PAQR8: variants seen among roughly 807,000 people sequenced by gnomAD.
PAQR8 encodes membrane progestin receptor beta.
A neutral mutation model predicts 25.2 loss-of-function variants in PAQR8; 17 were observed. The ratio of observed to expected loss-of-function variants is 0.67; its 90% CI spans 0.46 to 1.01. The LOEUF (loss-of-function observed/expected upper bound fraction) is 1.01. Among genes scored for constraint, PAQR8 ranks in the 50% least tolerant of loss-of-function variants. The probability of loss-of-function intolerance (pLI) is 0.00; values close to 1 mark genes in which losing one functional copy is unlikely to be tolerated. For synonymous variants in PAQR8, 204 were observed against 190.6 expected, an observed-to-expected ratio of 1.07 and a Z score of -0.58; for missense variants, 392 against 448.4, an observed-to-expected ratio of 0.87 and a Z score of 1.14.
At chr6:52,375,487 A>G (rs1162794613) in intron 1 of PAQR8, among the ~76,000 whole-genome samples, 1 of 152,120 alleles carries the variant, frequency 6.6e-6, no homozygotes, top group Non-Finnish European at 1.5e-5. Context: ...TCTGGAAAAC[A>G]GAAGAGAAAG....
At chr6:52,401,838 A>G (rs1763833711) in intron 1 of PAQR8, among the ~76,000 whole-genome samples, 1 of 152,210 alleles carries the variant, frequency 6.6e-6, no homozygotes, top group Admixed American at 6.5e-5. Context: ...GTCTATCATT[A>G]GCTATATCAA....
At chr6:52,369,127 G>A (rs1425194622) in intron 1 of PAQR8, among the ~76,000 whole-genome samples, 3 of 152,118 alleles carry the variant, frequency 2.0e-5, no homozygotes, top group Non-Finnish European at 2.9e-5. Context: ...TTTTGAATGA[G>A]CAAATAATAA....
At chr6:52,368,492 AAAG>A (rs1158322979) in intron 1 of PAQR8, among the ~76,000 whole-genome samples, 4 of 152,240 alleles carry the variant, frequency 2.6e-5, no homozygotes, top group South Asian at 4.1e-4. Context: ...ATTTAAAAAA[AAAG>A]AAGAAAAGGG....
intron 1 of PAQR8, among the ~76,000 whole-genome samples, chr6:52,398,718 T>C (rs1763797387): frequency 6.6e-6 from 1 of 152,076 alleles, no homozygotes; most frequent in African/African-American, 2.4e-5. Context: ...CATGCCCAGC[T>C]AATTTTTGTA....
At chr6:52,380,591 A>T (rs1562429574) in intron 1 of PAQR8, among the ~76,000 whole-genome samples, 3 of 152,340 alleles carry the variant, frequency 2.0e-5, no homozygotes, top group African/African-American at 7.2e-5. Flanking sequence ...CAAAATTTGC[A>T]TGTTGTTGTT....
chr6:52,384,239 A>G (rs1763602814), intron 1 of PAQR8, among the ~76,000 whole-genome samples: 1 of 152,242 alleles, frequency 6.6e-6, no homozygotes, highest in African/African-American at 2.4e-5. Flanking sequence ...GGACATCTAC[A>G]CATACGTAGT....
At chr6:52,394,807 C>T (rs1763747945) in intron 1 of PAQR8, among the ~76,000 whole-genome samples, 2 of 152,094 alleles carry the variant, frequency 1.3e-5, no homozygotes, top group South Asian at 4.1e-4. Flanking sequence ...TGTCAAGGAA[C>T]ATCTGTATTT....
chr6:52,366,349 A>C (rs1438987266), intron 1 of PAQR8, among the ~76,000 whole-genome samples: 1 of 152,184 alleles, frequency 6.6e-6, no homozygotes, highest in Non-Finnish European at 1.5e-5. Context: ...TTTGCCCTTC[A>C]GAAGTTCATT....
chr6:52,385,643 G>C (rs73443979), intron 1 of PAQR8, among the ~76,000 whole-genome samples: 4 of 152,128 alleles, frequency 2.6e-5, no homozygotes, highest in East Asian at 1.9e-4. Flanking sequence ...TAGCACTTTG[G>C]GGGGCAAGGT....
rs1432886916 is a variant in PAQR8, at chr6:52,406,176, G to T, written c.*1898G>T. The stretch of plus-strand genomic sequence containing the variant: ...CTGGGTTGAACTGAACAAGAGGATG[G>T]GGGAATTGTGCAAATACGTTGTTAG... On this transcript the variant is annotated 3_prime_UTR_variant, in exon 2 of 2. Transcript: ENST00000442253. 4.2e-6 allele frequency: 1 copy of T among 236,568 alleles called. No homozygotes were observed. The highest frequency in any genetic ancestry group is 2.3e-5 in the African/African-American group (1 of 44,170). The allele number at this position is 236,568 out of a possible 1,614,324, so 14.7% of individuals were successfully genotyped here. A position where few individuals can be genotyped will look rare whatever the true frequency, so the allele number is the denominator to read the frequency against.
chr6:52,382,155 A>G (rs1260321098), intron 1 of PAQR8, among the ~76,000 whole-genome samples: 5 of 152,234 alleles, frequency 3.3e-5, no homozygotes, highest in Non-Finnish European at 7.3e-5. Context: ...ACAAGGTTGT[A>G]TATGGTAGCA....
intron 1 of PAQR8, among the ~76,000 whole-genome samples, chr6:52,378,521 G>A (rs1398569990): frequency 1.3e-5 from 2 of 152,208 alleles, no homozygotes; most frequent in African/African-American, 4.8e-5. Context: ...GGCCAGGCGC[G>A]GTGGCTGAGG....
intron 1 of PAQR8, among the ~76,000 whole-genome samples, chr6:52,392,604 G>A (rs543517219): frequency 1.2e-4 from 18 of 152,234 alleles, no homozygotes; most frequent in African/African-American, 4.3e-4. Flanking sequence ...TGTTAATTTG[G>A]GAAAGGCTTT....
chr6:52,375,051 T>C (rs1480044127), intron 1 of PAQR8, among the ~76,000 whole-genome samples: 1 of 152,122 alleles, frequency 6.6e-6, no homozygotes, highest in East Asian at 1.9e-4. Context: ...TTTTTTATTA[T>C]TGATATGATC....
intron 1 of PAQR8, among the ~76,000 whole-genome samples, chr6:52,401,720 A>G (rs1246776855): frequency 6.6e-6 from 1 of 152,176 alleles, no homozygotes; most frequent in African/African-American, 2.4e-5. Context: ...TGACGAGTCA[A>G]TTTGCCTGTC....
intron 1 of PAQR8, among the ~76,000 whole-genome samples, 151 bp from the exon 2 acceptor site, chr6:52,403,011 C>A (rs1324149903): frequency 1.3e-5 from 2 of 152,200 alleles, no homozygotes; most frequent in Non-Finnish European, 2.9e-5. Context: ...TTAGAGGTTG[C>A]AATGAGCTGT....
At chr6:52,389,289 GTCAT>G (rs1182606537) in intron 1 of PAQR8, among the ~76,000 whole-genome samples, 2 of 152,252 alleles carry the variant, frequency 1.3e-5, no homozygotes, top group East Asian at 3.8e-4. Flanking sequence ...GCAAAGGATA[GTCAT>G]TCACTTTGTT....
intron 1 of PAQR8, among the ~76,000 whole-genome samples, chr6:52,378,486 T>A (rs563385593): frequency 2.8e-4 from 42 of 152,352 alleles, no homozygotes; most frequent in Non-Finnish European, 5.1e-4. Context: ...TGGAATATTA[T>A]TCAACCTTAA....
intron 1 of PAQR8, among the ~76,000 whole-genome samples, chr6:52,393,188 T>G (rs1203728411): frequency 6.6e-6 from 1 of 152,156 alleles, no homozygotes; most frequent in Admixed American, 6.5e-5. Context: ...TCCTTATCTG[T>G]GAAATGGGAA....
Sources: allele counts gnomAD v4.1 joint callset (sites outside exome capture counted in the v4.1 genomes callset), GRCh38; gene constraint gnomAD v4.1.1; transcripts MANE v1.5; gene names NCBI Gene and HGNC (gene_info 2026-07-23, HGNC 2026-07-21).